The following IGF1R variants were observed in gnomAD, a reference collection of about 807,000 sequenced individuals.
The protein encoded by IGF1R is insulin like growth factor 1 receptor, also known as insulin-like growth factor 1 receptor.
IGF1R carries 44 observed loss-of-function variants against 144.6 expected under a neutral mutation model. The ratio of observed to expected loss-of-function variants is 0.30; its 90% confidence interval spans 0.24 to 0.39. IGF1R has a LOEUF of 0.39. IGF1R is among the 10% of genes least tolerant of loss of function. IGF1R has a pLI of 1.00. For missense variants in IGF1R, 1,355 were observed against 1,833.7 expected, an observed-to-expected ratio of 0.74 and a Z score of 4.77; for synonymous variants, 795 against 722.8, an observed-to-expected ratio of 1.10 and a Z score of -1.60.
At chr15:98,837,858 G>A (rs2011114577) in intron 2 of IGF1R, among the ~76,000 whole-genome samples, 1 of 152,162 alleles carries the variant, frequency 6.6e-6, no homozygotes. Flanking sequence ...GACTTTCAAA[G>A]AATGGAGATA....
chr15:98,713,542 G>A (rs1276158110), intron 2 of IGF1R, among the ~76,000 whole-genome samples: 4 of 152,126 alleles, frequency 2.6e-5, no homozygotes. Context: ...CAAAGATGAT[G>A]GAGAAGTATG....
rs144094386 is a variant in IGF1R, at chr15:98,845,635, C to T, written c.641-45690C>T. 7.8e-3 allele frequency among the ~76,000 whole-genome samples: 1,172 copies of T among 150,076 alleles called. 8 individuals carry two copies. Among genetic ancestry groups the T allele is most frequent in the Middle Eastern group, 0.021 (6 of 292 alleles). Reference sequence around the variant, plus strand: ...TGCTGTCAGTTGAGATGGGCCTGTGCGGCACTTTGTTTGCAGTTGATTGGC... The same window carrying T: ...TGCTGTCAGTTGAGATGGGCCTGTGTGGCACTTTGTTTGCAGTTGATTGGC... On this transcript the variant is annotated intron_variant, in intron 2 of 20. Transcript: ENST00000650285.
chr15:98,924,828 GCACA>G, intron 13 of IGF1R, 144 bp downstream of exon 13: 1 of 765,070 alleles, frequency 1.3e-6, no homozygotes, highest in Non-Finnish European at 2.3e-6. Context: ...TAAGGTGCCG[GCACA>G]TACCGGCACT....
In IGF1R at chr15:98,948,556, G is replaced by T. The variant is rs1315369578; in HGVS notation, c.3588-18G>T. On this transcript the variant is annotated intron_variant, in intron 19 of 20. Coordinates refer to ENST00000650285, the MANE Select transcript of IGF1R (RefSeq NM_000875.5). ...TCCATCCCTTTCCAAGCTCCTCACA[G>T]TTTTTTTCTCCCTGTAGGTCCTTCG... The T allele has an allele frequency of 7.4e-6, 12 of 1,613,296 alleles. No homozygotes were observed. The African/African-American group carries it at 1.5e-4, about 20-fold the overall frequency.
chr15:98,737,235 G>A (rs57723357), intron 2 of IGF1R, among the ~76,000 whole-genome samples: 2,040 of 152,248 alleles, frequency 0.013, 48 homozygotes, highest in African/African-American at 0.046. Flanking sequence ...GGGAACAGGC[G>A]GCAGCTGCTC....
intron 2 of IGF1R, among the ~76,000 whole-genome samples, chr15:98,825,421 G>C (rs561749136): frequency 6.6e-6 from 1 of 152,180 alleles, no homozygotes; most frequent in Non-Finnish European, 1.5e-5. Context: ...GACCAGTCCC[G>C]GTCCATGGCC....
At chr15:98,773,982 G>A (rs970772366) in intron 2 of IGF1R, among the ~76,000 whole-genome samples, 5 of 152,100 alleles carry the variant, frequency 3.3e-5, no homozygotes, top group Non-Finnish European at 5.9e-5. Flanking sequence ...CCAGTTTTAA[G>A]GAAATAAATC....
intron 2 of IGF1R, among the ~76,000 whole-genome samples, chr15:98,763,044 CAAAAAA>C (rs58091658): frequency 2.2e-5 from 3 of 134,626 alleles, no homozygotes; most frequent in African/African-American, 8.7e-5. Context: ...GGTTCCATCT[CAAAAAA>C]AAAAAAAAAA....
intron 2 of IGF1R, among the ~76,000 whole-genome samples, chr15:98,772,304 G>A (rs2055605246): frequency 6.6e-6 from 1 of 151,722 alleles, no homozygotes; most frequent in African/African-American, 2.4e-5. Flanking sequence ...TGGAAAAGAG[G>A]AATTTTTTGA....
chr15:98,732,427 T>C (rs1160230162), intron 2 of IGF1R, among the ~76,000 whole-genome samples: 1 of 152,162 alleles, frequency 6.6e-6, no homozygotes, highest in African/African-American at 2.4e-5. Flanking sequence ...GACCTGACTT[T>C]ACAGGCAGTG....
intron 2 of IGF1R, among the ~76,000 whole-genome samples, chr15:98,762,550 A>G (rs937730549): frequency 1.1e-4 from 17 of 152,232 alleles, no homozygotes; most frequent in Non-Finnish European, 1.5e-5. Flanking sequence ...CAACATGGTG[A>G]AACCCCGTCT....
chr15:98,707,907 C>G lies in IGF1R; in HGVS notation c.440C>G (p.Ala147Gly). ...GGGGCCATCAGGATTGAGAAAAATG[C>G]TGACCTCTGTTACCTCTCCACTGTG... ...TRGAIRIEKN[A>G]DLCYLSTVDW... Residue 147 changes from alanine (A) to glycine (G), a missense_variant, in exon 2 of 21, where the codon GCT (alanine) becomes GGT (glycine). Physicochemically the swap from Ala to Gly is moderately conservative, Grantham distance 60. This residue lies in a region of IGF1R where 880 missense variants were observed against 1,202.7 expected (regional missense o/e 0.73). Transcript: ENST00000650285. This position sits in a 1 kb window ranked among gnomAD's most constrained non-coding sequence, Gnocchi z 6.7. 6.2e-7 allele frequency: 1 copy of G among 1,614,170 alleles called. No homozygotes were observed. The highest frequency in any genetic ancestry group is 8.5e-7 in the Non-Finnish European group (1 of 1,180,022).
intron 20 of IGF1R, among the ~76,000 whole-genome samples, chr15:98,952,436 C>T (rs1369065883): frequency 1.3e-5 from 2 of 152,110 alleles, no homozygotes; most frequent in African/African-American, 4.8e-5. Context: ...GAATATAAGC[C>T]ATGGAGTAAG....
At chr15:98,945,637 G>C (rs1430802739) in intron 19 of IGF1R, among the ~76,000 whole-genome samples, 4 of 152,218 alleles carry the variant, frequency 2.6e-5, no homozygotes, top group African/African-American at 9.6e-5. Flanking sequence ...CTGACTGGCT[G>C]TGTGGCCTTG....
chr15:98,882,962 G>T (rs1268874277), intron 2 of IGF1R, among the ~76,000 whole-genome samples: 1 of 152,198 alleles, frequency 6.6e-6, no homozygotes, highest in Non-Finnish European at 1.5e-5. Context: ...CTTTCTGTGT[G>T]CTCCTGGGTG....
At chr15:98,829,471 C>G (rs2056962552) in intron 2 of IGF1R, among the ~76,000 whole-genome samples, 1 of 152,122 alleles carries the variant, frequency 6.6e-6, no homozygotes, top group Non-Finnish European at 1.5e-5. Flanking sequence ...AACAAGGAGT[C>G]TACTTCTAAG....
intron 2 of IGF1R, among the ~76,000 whole-genome samples, chr15:98,793,887 T>C (rs980005196): frequency 2.0e-5 from 3 of 152,236 alleles, no homozygotes; most frequent in Non-Finnish European, 4.4e-5. Flanking sequence ...ATACCTGTGT[T>C]CGTTCCTTTG....
At position 98,942,935 on chromosome 15, in the gene IGF1R, C is replaced by T. The variant is rs1265924738; in HGVS notation, c.3470C>T (p.Thr1157Met). 5 of 1,614,100 alleles carry T rather than the reference C, an allele frequency of 3.1e-6. No individual in the cohort carries two copies. The highest frequency in any genetic ancestry group is 1.7e-5 in the Admixed American group (1 of 60,012). Residue 1157 changes from threonine to methionine, a missense_variant, in exon 19 of 21, where the codon ACG becomes ATG. Coordinates refer to ENST00000650285, the MANE Select transcript of IGF1R (RefSeq NM_000875.5). Reference sequence around the variant, plus strand: ...TCTTCCCTTACAGATTTTGGTATGACGCGAGATATCTATGAGACAGACTAT... The same window carrying T: ...TCTTCCCTTACAGATTTTGGTATGATGCGAGATATCTATGAGACAGACTAT... ...FTVKIGDFGM[T>M]RDIYETDYYR... is the part of the protein sequence containing the mutation.
intron 13 of IGF1R, among the ~76,000 whole-genome samples, chr15:98,926,190 C>T (rs992138408): frequency 6.6e-6 from 1 of 152,070 alleles, no homozygotes; most frequent in African/African-American, 2.4e-5. Flanking sequence ...ACCTGGAGGA[C>T]ATGATGTTAA....
Sources: allele counts gnomAD v4.1 joint callset (sites outside exome capture counted in the v4.1 genomes callset), GRCh38; gene constraint gnomAD v4.1.1; regional missense constraint gnomAD v4.1.1; non-coding constraint Gnocchi (gnomAD v3.1); transcripts MANE v1.5; gene names NCBI Gene and HGNC (gene_info 2026-07-23, HGNC 2026-07-21).